The following LOXL2 variants were observed in gnomAD, a reference collection of about 807,000 sequenced individuals.
The protein encoded by LOXL2 is lysyl oxidase like 2.
A neutral mutation model predicts 93.0 loss-of-function variants in LOXL2; 70 were observed. That is an observed-to-expected ratio of 0.75 (90% confidence interval 0.62 to 0.92). The LOEUF (loss-of-function observed/expected upper bound fraction) is 0.92. LOXL2 is among the 40% of genes least tolerant of loss of function. The pLI is 0.00. For missense variants in LOXL2, 973 were observed against 1,054.9 expected (o/e 0.92, Z 1.08); for synonymous variants, 438 against 413.2 (o/e 1.06, Z -0.73).
At chr8:23,332,719 TAC>T (rs371399053) in intron 5 of LOXL2, among the ~76,000 whole-genome samples, 12 of 59,354 alleles carry the variant, frequency 2.0e-4, no homozygotes, top group African/African-American at 5.4e-4. Flanking sequence ...CATGCACTCA[TAC>T]ACACACACTC....
chr8:23,320,488 A>T (rs1411275275), intron 7 of LOXL2, among the ~76,000 whole-genome samples: 1 of 152,202 alleles, frequency 6.6e-6, no homozygotes, highest in East Asian at 1.9e-4. Flanking sequence ...TGCTGGTCTG[A>T]GGCCCACCTA....
intron 6 of LOXL2, among the ~76,000 whole-genome samples, chr8:23,323,400 C>G (rs567712301): frequency 7.0e-4 from 107 of 152,350 alleles, no homozygotes; most frequent in African/African-American, 2.5e-3. Flanking sequence ...GGGAAGCCCT[C>G]GCTGTCTCCT....
At chr8:23,312,524 T>C (rs1803335108) in intron 9 of LOXL2, among the ~76,000 whole-genome samples, 1 of 134,710 alleles carries the variant, frequency 7.4e-6, no homozygotes, top group African/African-American at 3.0e-5. Flanking sequence ...TAATCCAGCA[T>C]ATAAACAGAA....
chr8:23,379,931 G>C (rs73549856), intron 1 of LOXL2, among the ~76,000 whole-genome samples: 7,050 of 152,098 alleles, frequency 0.046, 516 homozygotes, highest in African/African-American at 0.16. Flanking sequence ...CACTCTGCGG[G>C]CTGCACCCAC....
At chr8:23,343,443 A>T (rs995115592) in intron 3 of LOXL2, among the ~76,000 whole-genome samples, 3 of 152,194 alleles carry the variant, frequency 2.0e-5, no homozygotes, top group African/African-American at 7.2e-5. Flanking sequence ...CGGGCCAGGG[A>T]CTGGGAGGTG....
chr8:23,381,401 C>T (rs1804678912), intron 1 of LOXL2, among the ~76,000 whole-genome samples: 1 of 152,136 alleles, frequency 6.6e-6, no homozygotes, highest in South Asian at 2.1e-4. Flanking sequence ...ACTATATGAA[C>T]CACCTTCCAG....
At chr8:23,319,837 C>T (rs370314535) in intron 8 of LOXL2, 48 bp downstream of exon 8, 1 of 1,590,376 alleles carries the variant, frequency 6.3e-7, no homozygotes, top group Non-Finnish European at 8.6e-7. Flanking sequence ...ACAGTGTGGT[C>T]AGACTGCATG....
At position 23,385,803 on chromosome 8, in the gene LOXL2, T is replaced by C. The variant is rs890375420; in HGVS notation, c.-83-17369A>G. ...TGAAATCAATGTTAAAGATATATTTTATTTGATGCAATATATTTCAATATG... is the reference window on the plus strand; with the variant it reads ...TGAAATCAATGTTAAAGATATATTTCATTTGATGCAATATATTTCAATATG... On this transcript the variant is annotated intron_variant, in intron 1 of 13. Transcript: ENST00000389131. 3.2e-5 allele frequency: 19 copies of C among 596,512 alleles called. No individual in the cohort carries two copies. The African/African-American group carries it at 3.5e-4, about 11-fold the overall frequency. 37.0% of individuals were successfully genotyped at this position (596,512 alleles called of 1,614,324 possible). A position where few individuals can be genotyped will look rare whatever the true frequency, so the allele number is the denominator to read the frequency against.
At chr8:23,308,188 A>G (rs1250171180) in intron 10 of LOXL2, among the ~76,000 whole-genome samples, 1 of 152,212 alleles carries the variant, frequency 6.6e-6, no homozygotes, top group Admixed American at 6.5e-5. Flanking sequence ...AGTTCTGCCC[A>G]TAACAGTGAT....
intron 6 of LOXL2, 116 bp from the exon 7 acceptor site, chr8:23,322,397 T>C (rs1383162407): frequency 3.6e-6 from 3 of 828,486 alleles, no homozygotes; most frequent in Admixed American, 5.1e-5. Flanking sequence ...CTCTCCCCAC[T>C]GCCTCTTGTA....
chr8:23,365,573 A>G (rs887828321), intron 2 of LOXL2: 1 of 148,798 alleles, frequency 6.7e-6, no homozygotes, highest in Non-Finnish European at 1.5e-5. Flanking sequence ...TATTCCTTTT[A>G]TAAACCTTGA....
intron 3 of LOXL2, among the ~76,000 whole-genome samples, chr8:23,355,025 C>G (rs1489026096): frequency 2.1e-5 from 3 of 142,732 alleles, no homozygotes; most frequent in African/African-American, 7.8e-5. Context: ...ATGGCACCAT[C>G]TCGGCTCACT....
At position 23,362,344 on chromosome 8, in the gene LOXL2, C is replaced by T. The variant is rs1380337534; in HGVS notation, c.356-2079G>A. Among the ~76,000 whole-genome samples, 6 of 152,280 alleles carry T rather than the reference C, an allele frequency of 3.9e-5. No individual in the cohort carries two copies. The East Asian group carries it at 7.7e-4, about 20-fold the overall frequency. On this transcript the variant is annotated intron_variant, in intron 2 of 13. Transcript: ENST00000389131. ...AAAGAAATGGAGGTGGTTGTTTAATCGGTGCAGTTTCAGTTTTGCAAAATG... is the reference window on the plus strand; with the variant it reads ...AAAGAAATGGAGGTGGTTGTTTAATTGGTGCAGTTTCAGTTTTGCAAAATG...
chr8:23,375,737 GCTCT>G (rs1218308593), intron 1 of LOXL2, among the ~76,000 whole-genome samples: 1 of 84,120 alleles, frequency 1.2e-5, no homozygotes, highest in Non-Finnish European at 2.6e-5. Flanking sequence ...TCATGATTTG[GCTCT>G]CTGTTATTGG....
chr8:23,361,095 G>T (rs10096291), intron 2 of LOXL2, among the ~76,000 whole-genome samples: 92,115 of 151,428 alleles, frequency 0.61, 28,463 homozygotes, highest in African/African-American at 0.72. Context: ...GAGATGGAGT[G>T]TCACCATGTT....
intron 1 of LOXL2, among the ~76,000 whole-genome samples, chr8:23,400,871 G>T (rs1400384427): frequency 6.6e-6 from 1 of 152,164 alleles, no homozygotes; most frequent in Non-Finnish European, 1.5e-5. Flanking sequence ...GTTTTGCAAT[G>T]AGCTAGGAAA....
intron 1 of LOXL2, among the ~76,000 whole-genome samples, chr8:23,373,873 C>T (rs1438741152): frequency 6.6e-6 from 1 of 152,092 alleles, no homozygotes; most frequent in Non-Finnish European, 1.5e-5. Flanking sequence ...TTCCCACCCC[C>T]ATCCCCCAAG....
At chr8:23,354,817 C>T (rs547218103) in intron 3 of LOXL2, among the ~76,000 whole-genome samples, 132 of 151,786 alleles carry the variant, frequency 8.7e-4, no homozygotes, top group East Asian at 1.9e-3. Flanking sequence ...TTGAATTCCT[C>T]CACTGACAAG....
intron 2 of LOXL2, among the ~76,000 whole-genome samples, chr8:23,367,401 G>A (rs1804421013): frequency 6.6e-6 from 1 of 152,180 alleles, no homozygotes; most frequent in Non-Finnish European, 1.5e-5. Context: ...CCTCACAAGG[G>A]AGGAAAGAAT....
Sources: allele counts gnomAD v4.1 joint callset (sites outside exome capture counted in the v4.1 genomes callset), GRCh38; gene constraint gnomAD v4.1.1; transcripts MANE v1.5; gene names NCBI Gene and HGNC (gene_info 2026-07-23, HGNC 2026-07-21).